The following POU2F2 variants were observed in gnomAD, a reference collection of about 807,000 sequenced individuals.
The protein encoded by POU2F2 is POU domain, class 2, transcription factor 2.
In POU2F2, 14 loss-of-function variants were observed where a neutral mutation model predicts 63.5. The ratio of observed to expected loss-of-function variants is 0.22; its 90% confidence interval spans 0.15 to 0.34. POU2F2 has a LOEUF of 0.34. Among genes scored for constraint, POU2F2 ranks in the 10% least tolerant of loss-of-function variants. POU2F2 has a pLI of 1.00. For synonymous variants in POU2F2, 306 were observed against 348.6 expected (o/e 0.88, Z 1.36); for missense variants, 607 against 815.2 (o/e 0.74, Z 3.11).
intron 2 of POU2F2, 36 bp downstream of exon 2, chr19:42,122,475 C>T (rs546776710): frequency 3.2e-5 from 52 of 1,607,870 alleles, no homozygotes; most frequent in Middle Eastern, 1.7e-4. Flanking sequence ...CCCCTGCCCA[C>T]GGTGACCCCT....
At chr19:42,125,451 C>A (rs2033111600) in intron 1 of POU2F2, among the ~76,000 whole-genome samples, 1 of 151,918 alleles carries the variant, frequency 6.6e-6, no homozygotes, top group African/African-American at 2.4e-5. Context: ...TGTTTCCTGG[C>A]CCTGGGGACA....
At chr19:42,193,835 A>G (rs2146829632) in intron 1 of POU2F2, among the ~76,000 whole-genome samples, 1 of 152,338 alleles carries the variant, frequency 6.6e-6, no homozygotes, top group Non-Finnish European at 1.5e-5. Context: ...ATTATTCATA[A>G]TAGCCTCCAA....
chr19:42,162,294 T>C lies in POU2F2; in HGVS notation c.-69-1902A>G, dbSNP rs2034567386. Among the ~76,000 whole-genome samples, 2 of 152,050 alleles carry C rather than the reference T, an allele frequency of 1.3e-5. No individual in the cohort carries two copies. The highest frequency in any genetic ancestry group is 4.8e-5 in the African/African-American group (2 of 41,396). Reference sequence around the variant, plus strand: ...TCTCCCGGGTTCCCAAACCCCAATATGCCCTCCGACAGAGGGGAGAGGATC... The same window carrying C: ...TCTCCCGGGTTCCCAAACCCCAATACGCCCTCCGACAGAGGGGAGAGGATC... On this transcript the variant is annotated intron_variant, in intron 1 of 6. Transcript: ENST00000524801. The surrounding 1 kb of genome is among the most constrained non-coding windows in gnomAD (Gnocchi z 4.1).
chr19:42,131,888 C>T (rs1191080184), intron 1 of POU2F2, among the ~76,000 whole-genome samples: 1 of 151,972 alleles, frequency 6.6e-6, no homozygotes, highest in African/African-American at 2.4e-5. Context: ...ACACAACAGC[C>T]CCCTACACTC....
chr19:42,102,905 A>G (rs2077197685), intron 5 of POU2F2, among the ~76,000 whole-genome samples: 1 of 152,090 alleles, frequency 6.6e-6, no homozygotes, highest in Non-Finnish European at 1.5e-5. Flanking sequence ...GCCCTCAACA[A>G]TGCAAACAAA....
At chr19:42,141,982 T>C (rs1444951662) in intron 2 of POU2F2, among the ~76,000 whole-genome samples, 1 of 152,198 alleles carries the variant, frequency 6.6e-6, no homozygotes, top group Non-Finnish European at 1.5e-5. Context: ...GATCTATGGA[T>C]TGCGGACATG....
upstream of POU2F2, among the ~76,000 whole-genome samples, chr19:42,135,122 T>G (rs2033977355): frequency 1.3e-5 from 2 of 152,148 alleles, no homozygotes; most frequent in South Asian, 4.1e-4. Flanking sequence ...AGCATCATCC[T>G]TGCTCTGTGA....
chr19:42,125,277 G>A (rs1055098401), intron 1 of POU2F2, among the ~76,000 whole-genome samples: 16 of 151,312 alleles, frequency 1.1e-4, no homozygotes, highest in Non-Finnish European at 2.4e-4. Context: ...TGGGAAGGTC[G>A]CTCGAGCCCA....
chr19:42,129,669 C>A (rs2033528042), intron 1 of POU2F2, among the ~76,000 whole-genome samples: 1 of 152,206 alleles, frequency 6.6e-6, no homozygotes, highest in Non-Finnish European at 1.5e-5. Context: ...CCCCTGTGGG[C>A]AGGTTGGTGC....
Position 42,132,419 on chromosome 19 carries a change from G to A in POU2F2, c.-8C>T, listed in dbSNP as rs763341061. 91 of 1,500,566 alleles carry A rather than the reference G, an allele frequency of 6.1e-5. No individual in the cohort carries two copies. The highest frequency in any genetic ancestry group is 7.6e-5 in the Non-Finnish European group (86 of 1,127,294). 93.0% of individuals were successfully genotyped at this position (1,500,566 alleles called of 1,614,324 possible). A position where few individuals can be genotyped will look rare whatever the true frequency, so the allele number is the denominator to read the frequency against. On this transcript the variant is annotated 5_prime_UTR_variant, in exon 1 of 15. Coordinates refer to ENST00000692977, the MANE Select transcript of POU2F2 (RefSeq NM_001394376.1). Reference sequence around the variant, plus strand: ...CATGCTGGAGTGAACCATGCTGCCCGCCCCGCCAGGGCTGGGGGAACAACT... The same window carrying A: ...CATGCTGGAGTGAACCATGCTGCCCACCCCGCCAGGGCTGGGGGAACAACT...
chr19:42,123,572 T>C (rs975149289), intron 1 of POU2F2, among the ~76,000 whole-genome samples: 1 of 152,154 alleles, frequency 6.6e-6, no homozygotes, highest in Non-Finnish European at 1.5e-5. Flanking sequence ...CGAAGGGATG[T>C]CACCTCCCCA....
In POU2F2 at chr19:42,138,006, C is replaced by A. The variant is rs1342805650; in HGVS notation, c.-8-15430G>T. Among the ~76,000 whole-genome samples, 5 of 152,134 alleles carry A rather than the reference C, an allele frequency of 3.3e-5. No individual in the cohort carries two copies. In the East Asian group the frequency reaches 5.8e-4, roughly 18 times the overall value. On this transcript the variant is annotated intron_variant, in intron 2 of 6. Transcript: ENST00000524801. ...GGTGGAGAGGCGGCCAGGGCCAGAT[C>A]GCACAGGGCCTTGCAGGCCAAGGTA...
chr19:42,171,625 G>A (rs890669378), intron 1 of POU2F2, among the ~76,000 whole-genome samples: 4 of 152,144 alleles, frequency 2.6e-5, no homozygotes, highest in African/African-American at 4.8e-5. Flanking sequence ...CTCAGACTCC[G>A]TTGCTTGTGT....
intron 5 of POU2F2, among the ~76,000 whole-genome samples, chr19:42,113,346 A>C (rs74422929): frequency 2.3e-3 from 352 of 152,306 alleles, no homozygotes; most frequent in African/African-American, 8.0e-3. Context: ...TGATTCGGTA[A>C]ATATCCACAC....
At chr19:42,185,313 C>A (rs558876552) in intron 1 of POU2F2, among the ~76,000 whole-genome samples, 20 of 152,164 alleles carry the variant, frequency 1.3e-4, no homozygotes, top group African/African-American at 4.1e-4. Context: ...CTCCCAGTCT[C>A]CCCTCTTGCC....
rs2076542558 is a variant in POU2F2, at chr19:42,086,170, GAC to G, written c.*5085_*5086del. The G allele has an allele frequency of 6.6e-6, 1 of 152,072 alleles. No individual in the cohort carries two copies. Among genetic ancestry groups the G allele is most frequent in the Non-Finnish European group, 1.5e-5 (1 of 68,020 alleles). 9.4% of individuals were successfully genotyped at this position (152,072 alleles called of 1,614,324 possible). A position where few individuals can be genotyped will look rare whatever the true frequency, so the allele number is the denominator to read the frequency against. On this transcript the variant is annotated 3_prime_UTR_variant, in exon 15 of 15. Transcript: ENST00000692977. The stretch of plus-strand genomic sequence containing the variant: ...TTTGATGTTTGTTGTTCAGATGAAT[GAC>G]ACACTCAAGTTACAAAAATGGGGCC...
intron 1 of POU2F2, among the ~76,000 whole-genome samples, chr19:42,185,664 A>T (rs1338542303): frequency 1.3e-5 from 2 of 152,166 alleles, no homozygotes; most frequent in African/African-American, 4.8e-5. Context: ...GAACCAACTT[A>T]AAATCATATG....
In POU2F2 at chr19:42,095,345, A is replaced by C; in HGVS notation, c.1138T>G (p.Cys380Gly). ...RRQKEKRINPCSAAPMLPSPG... is the reference protein window; with the variant it reads ...RRQKEKRINPGSAAPMLPSPG... ...CTGGGCAGCATGGGGGCCGCACTGC[A>C]GGGGTTGATGCGTTTCTCCTTCTGG... is the stretch of plus-strand genomic sequence containing the variant. The change falls in exon 11 of 15, where the codon TGC becomes GGC. Residue 380 changes from cysteine to glycine, a missense_variant. Physicochemically the swap from Cys to Gly is radical, Grantham distance 159. Transcript: ENST00000692977. This position sits in a 1 kb window ranked among gnomAD's most constrained non-coding sequence, Gnocchi z 7.1. The C allele has an allele frequency of 6.2e-7, 1 of 1,613,864 alleles. No individual in the cohort carries two copies. Among genetic ancestry groups the C allele is most frequent in the Non-Finnish European group, 8.5e-7 (1 of 1,179,980 alleles).
At chr19:42,114,359 A>G (rs977982524) in intron 5 of POU2F2, among the ~76,000 whole-genome samples, 3 of 152,150 alleles carry the variant, frequency 2.0e-5, no homozygotes, top group African/African-American at 7.2e-5. Flanking sequence ...AGTCATCATG[A>G]CTTCCTAGAG....
Sources: allele counts gnomAD v4.1 joint callset (sites outside exome capture counted in the v4.1 genomes callset), GRCh38; gene constraint gnomAD v4.1.1; non-coding constraint Gnocchi (gnomAD v3.1); transcripts MANE v1.5; gene names NCBI Gene and HGNC (gene_info 2026-07-23, HGNC 2026-07-21).